The following BEND2 variants were observed in gnomAD, a reference collection of about 807,000 sequenced individuals.
BEND2 encodes BEN domain-containing protein 2.
BEND2 carries 19 observed loss-of-function variants against 43.8 expected under a neutral mutation model. The ratio of observed to expected loss-of-function variants is 0.43; its 90% CI spans 0.30 to 0.64. The LOEUF is 0.64. BEND2 is among the 30% of genes least tolerant of loss of function. BEND2 has a pLI of 0.11. For synonymous variants in BEND2, 226 were observed against 210.1 expected, an observed-to-expected ratio of 1.08 and a Z score of -0.66; for missense variants, 544 against 574.0, an observed-to-expected ratio of 0.95 and a Z score of 0.53.
intron 12 of BEND2, among the ~76,000 whole-genome samples, chrX:18,171,692 T>C (rs1346891427): frequency 8.9e-6 from 1 of 111,948 alleles, no homozygotes; most frequent in Non-Finnish European, 1.9e-5. Context: ...AGAAATGAGG[T>C]AGAAATCACT....
chrX:18,207,861 A>C (rs936571751), intron 4 of BEND2, among the ~76,000 whole-genome samples: 5 of 111,576 alleles, frequency 4.5e-5, no homozygotes, highest in African/African-American at 1.6e-4. Context: ...TCTACTAAAA[A>C]TACAAAAAGT....
At chrX:18,206,672 T>A (rs1309913116) in intron 4 of BEND2, among the ~76,000 whole-genome samples, 1 of 109,144 alleles carries the variant, frequency 9.2e-6, no homozygotes. Context: ...CGGGAAGGGG[T>A]CAGAAGAAGG....
intron 11 of BEND2, 84 bp downstream of exon 11, chrX:18,175,888 C>CTG: frequency 1.1e-6 from 1 of 909,828 alleles, no homozygotes. Flanking sequence ...CCTAAAGAGA[C>CTG]TGTGCCTCAT....
intron 7 of BEND2, among the ~76,000 whole-genome samples, chrX:18,192,073 A>C (rs1470637857): frequency 8.9e-6 from 1 of 112,231 alleles, no homozygotes; most frequent in East Asian, 2.8e-4. Flanking sequence ...GTATCATTTC[A>C]ATCTCACCAA....
At chrX:18,176,389 AG>A (rs200142172) in intron 10 of BEND2, among the ~76,000 whole-genome samples, 26 of 106,674 alleles carry the variant, frequency 2.4e-4, no homozygotes, top group African/African-American at 8.5e-4. Context: ...AAAAAAAAAA[AG>A]TGTGTAGGCC....
At chrX:18,179,924 C>G (rs888134341) in intron 9 of BEND2, among the ~76,000 whole-genome samples, 1 of 112,213 alleles carries the variant, frequency 8.9e-6, no homozygotes, top group Admixed American at 9.5e-5. Flanking sequence ...TGCCTGTAAT[C>G]CTAGCACTTT....
intron 6 of BEND2, among the ~76,000 whole-genome samples, chrX:18,196,285 C>T (rs1299759426): frequency 1.0e-5 from 1 of 99,621 alleles, no homozygotes; most frequent in East Asian, 3.1e-4. Flanking sequence ...GATGACAGAG[C>T]GAGACTGTCT....
At position 18,177,259 on chromosome X, in the gene BEND2, C is replaced by CTT. The variant is rs3082649; in HGVS notation, c.1630+308_1630+309dup. On this transcript the variant is annotated intron_variant, in intron 10 of 13. Coordinates refer to ENST00000380033, the MANE Select transcript of BEND2 (RefSeq NM_153346.5). The stretch of plus-strand genomic sequence containing the variant: ...ACCTTCTGGCAGAGGGAGCTTTTTC[C>CTT]TTTTTTTTTTTTTTTTTTTGTAGCA... Among the ~76,000 whole-genome samples, 327 of 56,216 alleles carry CTT rather than the reference C, an allele frequency of 5.8e-3. 1 individual carries two copies. The highest frequency in any genetic ancestry group is 8.6e-3 in the Non-Finnish European group (279 of 32,266). The allele number at this position is 56,216 out of a possible 115,157, so 48.8% of individuals were successfully genotyped here. A position where few individuals can be genotyped will look rare whatever the true frequency, so the allele number is the denominator to read the frequency against.
chrX:18,195,360 A>C lies in BEND2; in HGVS notation c.1116T>G (p.Ala372=). 8.3e-7 allele frequency: 1 copy of C among 1,208,450 alleles called. No individual in the cohort carries two copies. The highest frequency in any genetic ancestry group is 1.1e-6 in the Non-Finnish European group (1 of 892,927). ...ATGGGGCACTCGTATTTCCCGATAA[A>C]GCTGGGTAATACACTGTCTGAGAGT... is the stretch of plus-strand genomic sequence containing the variant. ...ENNSQTVYYP[A]LSGNTSAPYP... Residue 372 remains alanine, a synonymous_variant, in exon 7 of 14, where the codon GCT becomes GCG. Transcript: ENST00000380033.
chrX:18,217,277 C>A (rs778203429), intron 1 of BEND2, among the ~76,000 whole-genome samples: 40 of 112,468 alleles, frequency 3.6e-4, no homozygotes, highest in African/African-American at 1.2e-3. Flanking sequence ...ACTAGGTAAA[C>A]CATTTTAATG....
At chrX:18,219,692 G>A (rs969444771) in intron 1 of BEND2, among the ~76,000 whole-genome samples, 3 of 111,999 alleles carry the variant, frequency 2.7e-5, no homozygotes, top group Non-Finnish European at 5.6e-5. Flanking sequence ...CATTGCCTGA[G>A]CCCAGGAGTT....
chrX:18,220,001 G>GCC (rs781543009), intron 1 of BEND2, among the ~76,000 whole-genome samples: 2 of 111,039 alleles, frequency 1.8e-5, no homozygotes, highest in African/African-American at 6.5e-5. Context: ...CTCATTCCTC[G>GCC]CCCCCCCATA....
intron 9 of BEND2, among the ~76,000 whole-genome samples, chrX:18,178,853 A>C (rs1284342470): frequency 2.7e-5 from 3 of 111,642 alleles, no homozygotes; most frequent in African/African-American, 9.8e-5. Context: ...AAGCAGGCAG[A>C]CATGAGAGCT....
intron 3 of BEND2, among the ~76,000 whole-genome samples, chrX:18,212,923 A>C (rs766006739): frequency 1.8e-5 from 2 of 112,452 alleles, no homozygotes; most frequent in South Asian, 7.4e-4. Flanking sequence ...GTGACTGCTT[A>C]ATAACTTAAA....
intron 1 of BEND2, 149 bp from the exon 2 acceptor site, chrX:18,216,882 C>A: frequency 2.0e-6 from 1 of 497,574 alleles, no homozygotes; most frequent in Non-Finnish European, 3.3e-6. Flanking sequence ...GTAATCATTA[C>A]AAGTTAGTTA....
intron 13 of BEND2, among the ~76,000 whole-genome samples, chrX:18,170,626 C>G (rs1923944069): frequency 8.9e-6 from 1 of 112,577 alleles, no homozygotes; most frequent in Admixed American, 9.4e-5. Context: ...AGAAACTTAG[C>G]AAATTAACCT....
At chrX:18,172,165 T>C (rs756942782) in intron 12 of BEND2, among the ~76,000 whole-genome samples, 35 of 110,656 alleles carry the variant, frequency 3.2e-4, no homozygotes, top group Non-Finnish European at 4.3e-4. Flanking sequence ...GTAAGTATAT[T>C]CTTCAACTTA....
In BEND2 at chrX:18,177,783, G is replaced by C. The variant is rs766262592; in HGVS notation, c.1430-14C>G. On this transcript the variant is annotated splice_polypyrimidine_tract_variant and intron_variant, in intron 9 of 13. Transcript: ENST00000380033. ...CACCAAGATAGCCTTTAAAAATAAA[G>C]AGAAAAAGGAACATCCTTGGTTTTG... The C allele has an allele frequency of 8.5e-6, 10 of 1,179,539 alleles. No homozygotes were observed. The Admixed American group carries it at 1.1e-4, about 13-fold the overall frequency.
chrX:18,163,865 T>G lies in BEND2; in HGVS notation c.*1144A>C, dbSNP rs1230775147. 8.9e-6 allele frequency: 1 copy of G among 112,313 alleles called. No individual in the cohort carries two copies. The highest frequency in any genetic ancestry group is 1.9e-5 in the Non-Finnish European group (1 of 53,304). The allele number at this position is 112,313 out of a possible 1,213,427, so 9.3% of individuals were successfully genotyped here. A position where few individuals can be genotyped will look rare whatever the true frequency, so the allele number is the denominator to read the frequency against. On this transcript the variant is annotated 3_prime_UTR_variant, in exon 14 of 14. Coordinates refer to ENST00000380033, the MANE Select transcript of BEND2 (RefSeq NM_153346.5). ...TATAATGTGGATTACTATTCTGTAT[T>G]AGCTCTGTTACTAGTAGTTGTAAAA...
Sources: allele counts gnomAD v4.1 joint callset (sites outside exome capture counted in the v4.1 genomes callset), GRCh38; gene constraint gnomAD v4.1.1; transcripts MANE v1.5; gene names NCBI Gene and HGNC (gene_info 2026-07-23, HGNC 2026-07-21).